PEX19: variants seen among roughly 807,000 people sequenced by gnomAD.
PEX19 encodes 33 kDa housekeeping protein.
Under a neutral mutation model 36.3 loss-of-function variants are expected in PEX19, and 29 were observed. That is an observed-to-expected ratio of 0.80 (90% confidence interval 0.60 to 1.09). The LOEUF (loss-of-function observed/expected upper bound fraction) is 1.09. Among genes scored for constraint, PEX19 ranks in the 50% least tolerant of loss-of-function variants. PEX19 has a pLI of 0.00. For synonymous variants in PEX19, 141 were observed against 135.2 expected (o/e 1.04, Z -0.30); for missense variants, 396 against 368.1 (o/e 1.08, Z -0.62).
In PEX19 at chr1:160,283,124, T is replaced by C. The variant is rs114403769; in HGVS notation, c.181-15A>G. ...AAGAGGGCATCCTGCGGGGGAAGGA[T>C]GGCTGAAATGCGTCTCTTACTTAGG... On this transcript the variant is annotated splice_polypyrimidine_tract_variant and intron_variant, in intron 2 of 7. Coordinates refer to ENST00000368072, the MANE Select transcript of PEX19 (RefSeq NM_002857.4). The C allele has an allele frequency of 2.8e-3, 4,504 of 1,612,576 alleles. 127 individuals are homozygous for C. In the African/African-American group the frequency reaches 0.054, roughly 19 times the overall value.
rs753324166 is a variant in PEX19 at position 160,280,145 on chromosome 1, A to T, written c.696T>A (p.Phe232Leu). 6 of 1,613,890 alleles carry T rather than the reference A, an allele frequency of 3.7e-6. No individual in the cohort carries two copies. In the African/African-American group the frequency reaches 6.7e-5, roughly 18 times the overall value. Reference protein sequence around the residue: ...HSVMCKICEQFEAETPTDSET... With the variant: ...HSVMCKICEQLEAETPTDSET... The stretch of plus-strand genomic sequence containing the variant: ...CACTGTCTGTGGGGGTCTCTGCCTC[A>T]AACTGCTCACATATTTTGCACATGA... The change falls in exon 6 of 8, where the codon TTT becomes TTA. Residue 232 changes from phenylalanine to leucine, a missense_variant. Phe to Leu is a conservative substitution (Grantham distance 22, BLOSUM62 0). Transcript: ENST00000368072.
chr1:160,279,026 A>C lies in PEX19; in HGVS notation c.*525T>G, dbSNP rs1657650805. ...AAAGCCCTTTCCCTTTAGAGAATTC[A>C]GAATGGTCTGTCTGAAGGCAAGAGA... is the stretch of plus-strand genomic sequence containing the variant. On this transcript the variant is annotated 3_prime_UTR_variant, in exon 8 of 8. Transcript: ENST00000368072. 2.2e-6 allele frequency: 1 copy of C among 454,202 alleles called. No homozygotes were observed. Among genetic ancestry groups the C allele is most frequent in the Admixed American group, 2.3e-5 (1 of 42,566 alleles). 28.1% of individuals were successfully genotyped at this position (454,202 alleles called of 1,614,324 possible).
Position 160,277,631 on chromosome 1 carries a change from A to G in PEX19, c.*1920T>C, listed in dbSNP as rs1557851782. On this transcript the variant is annotated 3_prime_UTR_variant, in exon 8 of 8. Transcript: ENST00000368072. ...AAAGATAAAGTGGACTAGGGCATCT[A>G]TTTAGATTCCTGGAGTAAGCCCTGG... 2 of 454,370 alleles carry G rather than the reference A, an allele frequency of 4.4e-6. No homozygotes were observed. Among genetic ancestry groups the G allele is most frequent in the Non-Finnish European group, 8.8e-6 (2 of 226,938 alleles). The allele number at this position is 454,370 out of a possible 1,614,324, so 28.1% of individuals were successfully genotyped here. A position where few individuals can be genotyped will look rare whatever the true frequency, so the allele number is the denominator to read the frequency against.
rs1302966832 is a variant in PEX19 at position 160,277,086 on chromosome 1, A to G, written c.*2465T>C. 2.2e-6 allele frequency: 1 copy of G among 454,082 alleles called. No individual in the cohort carries two copies. Among genetic ancestry groups the G allele is most frequent in the South Asian group, 1.6e-5 (1 of 64,468 alleles). The allele number at this position is 454,082 out of a possible 1,614,324, so 28.1% of individuals were successfully genotyped here. A position where few individuals can be genotyped will look rare whatever the true frequency, so the allele number is the denominator to read the frequency against. On this transcript the variant is annotated 3_prime_UTR_variant, in exon 8 of 8. Transcript: ENST00000368072. ...TCTGGAAGTGAAACTCAAATAGGAG[A>G]GAACAAGAGATACAGGTAGGTATCA...
rs1657677811 is a variant in PEX19 at position 160,279,505 on chromosome 1, A to AAT, written c.*45_*46insAT. 6.7e-7 allele frequency: 1 copy of AAT among 1,481,712 alleles called. No individual in the cohort carries two copies. The highest frequency in any genetic ancestry group is 9.4e-7 in the Non-Finnish European group (1 of 1,059,826). The allele number at this position is 1,481,712 out of a possible 1,614,324, so 91.8% of individuals were successfully genotyped here. ...AGGTCCCAATGGTTCTGCTGACTCC[A>AAT]GATGTTCCCCATAGCTGGGACTCAG... On this transcript the variant is annotated 3_prime_UTR_variant, in exon 8 of 8. Coordinates refer to ENST00000368072, the MANE Select transcript of PEX19 (RefSeq NM_002857.4).
chr1:160,277,858 AAC>A lies in PEX19; in HGVS notation c.*1691_*1692del. ...CCTGTATTTTTTCCATCTCTGGCAG[AAC>A]AGAGACGTTTTACATTCAGATCTGG... On this transcript the variant is annotated 3_prime_UTR_variant, in exon 8 of 8. Coordinates refer to ENST00000368072, the MANE Select transcript of PEX19 (RefSeq NM_002857.4). The A allele has an allele frequency of 1.6e-6, 1 of 630,722 alleles. No homozygotes were observed. Among genetic ancestry groups the A allele is most frequent in the Non-Finnish European group, 2.9e-6 (1 of 342,370 alleles). The allele number at this position is 630,722 out of a possible 1,614,324, so 39.1% of individuals were successfully genotyped here.
chr1:160,284,245 T>C, intron 1 of PEX19: 1 of 464,144 alleles, frequency 2.2e-6, no homozygotes, highest in Non-Finnish European at 4.5e-6. Context: ...TACACTAATT[T>C]ACACAGTCAC....
intron 1 of PEX19, chr1:160,284,020 C>T (rs1407082526): frequency 4.3e-6 from 2 of 467,502 alleles, no homozygotes; most frequent in Admixed American, 2.4e-5. Context: ...GTCCTCATCC[C>T]TCTGAACTCA....
intron 3 of PEX19, 128 bp downstream of exon 3, chr1:160,282,816 T>C (rs1657832420): frequency 7.0e-6 from 7 of 995,386 alleles, no homozygotes; most frequent in Middle Eastern, 2.4e-4. Flanking sequence ...CTTTCTCTCA[T>C]TGCCTTTACC....
chr1:160,284,520 A>T (rs565428459), intron 1 of PEX19, among the ~76,000 whole-genome samples: 41 of 152,292 alleles, frequency 2.7e-4, no homozygotes, highest in Non-Finnish European at 4.7e-4. Context: ...TCTCAAAATA[A>T]GGGAAAGGAG....
intron 5 of PEX19, 73 bp downstream of exon 5, chr1:160,281,966 G>A (rs768648492): frequency 2.0e-4 from 256 of 1,308,796 alleles, no homozygotes; most frequent in Non-Finnish European, 2.8e-4. Flanking sequence ...CAGGCTCTGA[G>A]TAGACAAAAT....
chr1:160,284,671 G>C (rs944816218), intron 1 of PEX19, among the ~76,000 whole-genome samples: 5 of 152,228 alleles, frequency 3.3e-5, no homozygotes, highest in African/African-American at 1.2e-4. Context: ...AGCTTGCTAG[G>C]AGTTAATGTA....
In PEX19 at chr1:160,283,538, T is replaced by G; in HGVS notation, c.172A>C (p.Thr58Pro). The G allele has an allele frequency of 6.2e-7, 1 of 1,609,868 alleles. No individual in the cohort carries two copies. Among genetic ancestry groups the G allele is most frequent in the Non-Finnish European group, 8.5e-7 (1 of 1,176,202 alleles). Residue 58 changes from threonine (T) to proline (P), a missense_variant, in exon 2 of 8, where the codon ACT becomes CCT. Physicochemically the swap from Thr to Pro is conservative, Grantham distance 38 (BLOSUM62 -1). Coordinates refer to ENST00000368072, the MANE Select transcript of PEX19 (RefSeq NM_002857.4). ...SGPQKRSPGD[T>P]AKDALFASQE... ...GGGGGTGGAATTTATACTTTGGCAG[T>G]GTCTCCTGGCGATCTCTTCTGGGGC...
intron 2 of PEX19, 99 bp downstream of exon 2, chr1:160,283,431 C>T (rs1014472114): frequency 9.6e-6 from 8 of 833,538 alleles, no homozygotes; most frequent in Non-Finnish European, 1.5e-5. Context: ...GCCAAGGTAC[C>T]CTCCCACATT....
rs1480182464 is a variant in PEX19, at chr1:160,282,107, G to C, written c.526C>G (p.Gln176Glu). 4 of 1,613,548 alleles carry C rather than the reference G, an allele frequency of 2.5e-6. No homozygotes were observed. The highest frequency in any genetic ancestry group is 3.4e-6 in the Non-Finnish European group (4 of 1,179,640). Reference protein sequence around the residue: ...DGEGNILPIMQSIMQNLLSKD... With the variant: ...DGEGNILPIMESIMQNLLSKD... Reference sequence around the variant, plus strand: ...GAGAGTAGGTTCTGCATAATACTCTGCATGATGGGGAGGATGTTCCCTTCC... The same window carrying C: ...GAGAGTAGGTTCTGCATAATACTCTCCATGATGGGGAGGATGTTCCCTTCC... The change falls in exon 5 of 8, where the codon CAG (glutamine) becomes GAG (glutamate). Residue 176 changes from glutamine to glutamate, a missense_variant. Coordinates refer to ENST00000368072, the MANE Select transcript of PEX19 (RefSeq NM_002857.4).
In PEX19 at chr1:160,278,715, C is replaced by T. The variant is rs550798724; in HGVS notation, c.*836G>A. ...AGGAAGACGGGGAGTCAGTGAGAAT[C>T]GTAAATGGACTAGATGAGGGGAAAT... On this transcript the variant is annotated 3_prime_UTR_variant, in exon 8 of 8. Transcript: ENST00000368072. The T allele has an allele frequency of 1.3e-5, 6 of 454,018 alleles. No individual in the cohort carries two copies. Among genetic ancestry groups the T allele is most frequent in the African/African-American group, 2.0e-5 (1 of 50,088 alleles). The allele number at this position is 454,018 out of a possible 1,614,324, so 28.1% of individuals were successfully genotyped here. A position where few individuals can be genotyped will look rare whatever the true frequency, so the allele number is the denominator to read the frequency against.
intron 5 of PEX19, among the ~76,000 whole-genome samples, 169 bp downstream of exon 5, chr1:160,281,868 TCA>T (rs1446232926): frequency 6.6e-6 from 1 of 152,048 alleles, no homozygotes; most frequent in Non-Finnish European, 1.5e-5. Context: ...CTTTATTCTC[TCA>T]GAGACACAAC....
rs559356954 is a variant in PEX19 at position 160,279,396 on chromosome 1, A to G, written c.*155T>C. 52 of 731,768 alleles carry G rather than the reference A, an allele frequency of 7.1e-5. No homozygotes were observed. In the African/African-American group the frequency reaches 8.8e-4, roughly 12 times the overall value. 45.3% of individuals were successfully genotyped at this position (731,768 alleles called of 1,614,324 possible). ...CCCTATTCCTAGAGAGACAGAGGAA[A>G]AACCTCAGCTGGTATGGCACAATCT... On this transcript the variant is annotated 3_prime_UTR_variant, in exon 8 of 8. Transcript: ENST00000368072.
Position 160,283,096 on chromosome 1 carries a change from G to A in PEX19, c.194C>T (p.Ala65Val). 1.2e-6 allele frequency: 2 copies of A among 1,613,682 alleles called. No homozygotes were observed. Among genetic ancestry groups the A allele is most frequent in the Non-Finnish European group, 1.7e-6 (2 of 1,180,014 alleles). The change falls in exon 3 of 8, where the codon GCT becomes GTT. Residue 65 changes from alanine to valine, a missense_variant. By Grantham distance (64) the Ala-to-Val change is moderately conservative. Coordinates refer to ENST00000368072, the MANE Select transcript of PEX19 (RefSeq NM_002857.4). ...TTCCTGGAAAAACTTCTCTTGGGAA[G>A]CGAAGAGGGCATCCTGCGGGGGAAG... Reference protein sequence around the residue: ...PGDTAKDALFASQEKFFQELF... With the variant: ...PGDTAKDALFVSQEKFFQELF...
Sources: allele counts gnomAD v4.1 joint callset (sites outside exome capture counted in the v4.1 genomes callset), GRCh38; gene constraint gnomAD v4.1.1; transcripts MANE v1.5; gene names NCBI Gene and HGNC (gene_info 2026-07-23, HGNC 2026-07-21).